DPP6: variants seen among roughly 807,000 people sequenced by gnomAD.
DPP6 encodes A-type potassium channel modulatory protein DPP6.
Under a neutral mutation model 122.6 loss-of-function variants are expected in DPP6, and 69 were observed. The ratio of observed to expected loss-of-function variants is 0.56; its 90% CI spans 0.46 to 0.69. The LOEUF is 0.69. Among genes scored for constraint, DPP6 ranks in the 30% least tolerant of loss-of-function variants. The pLI, the probability that DPP6 is intolerant of heterozygous loss-of-function variation, is 0.00. For missense variants in DPP6, 928 were observed against 1,116.9 expected (o/e 0.83, Z 2.41); for synonymous variants, 418 against 433.1 (o/e 0.97, Z 0.43).
At chr7:154,647,788 G>A (rs972257215) in intron 6 of DPP6, among the ~76,000 whole-genome samples, 8 of 152,188 alleles carry the variant, frequency 5.3e-5, no homozygotes, top group African/African-American at 1.9e-4. Flanking sequence ...TGGTGAATCA[G>A]CACGCGTGTT....
intron 1 of DPP6, among the ~76,000 whole-genome samples, chr7:154,027,888 A>C (rs1002091548): frequency 6.6e-6 from 1 of 151,576 alleles, no homozygotes; most frequent in Admixed American, 6.6e-5. Context: ...TACTGACAGC[A>C]TGAGCCCAAA....
intron 8 of DPP6, among the ~76,000 whole-genome samples, chr7:154,733,136 C>T (rs1292290094): frequency 2.0e-5 from 3 of 152,254 alleles, no homozygotes; most frequent in African/African-American, 7.2e-5. Context: ...TCTTCACTGT[C>T]CCACACTAAC....
chr7:154,145,190 C>T (rs1365965821), intron 1 of DPP6, among the ~76,000 whole-genome samples: 1 of 152,166 alleles, frequency 6.6e-6, no homozygotes, highest in African/African-American at 2.4e-5. Flanking sequence ...TATTTAAACA[C>T]ATGAGCCTTG....
chr7:153,805,803 G>A, the DPP6 span, among the ~76,000 whole-genome samples: 2 of 151,968 alleles, frequency 1.3e-5, no homozygotes, highest in South Asian at 4.2e-4. Context: ...ATTGAACAAT[G>A]AGAACACTTG....
the DPP6 span, among the ~76,000 whole-genome samples, chr7:153,862,370 T>A: frequency 2.6e-5 from 4 of 152,220 alleles, no homozygotes; most frequent in Non-Finnish European, 5.9e-5. Flanking sequence ...AAGTCAGGTC[T>A]GATGGCAGGT....
chr7:154,826,023 A>G (rs935801955), intron 16 of DPP6, among the ~76,000 whole-genome samples: 2 of 152,204 alleles, frequency 1.3e-5, no homozygotes, highest in Non-Finnish European at 2.9e-5. Flanking sequence ...CTGCAGAGGA[A>G]TCAGTCCAGA....
chr7:154,010,276 G>A (rs947453014), intron 1 of DPP6, among the ~76,000 whole-genome samples: 3 of 152,208 alleles, frequency 2.0e-5, no homozygotes, highest in Non-Finnish European at 4.4e-5. Context: ...CAGCAAACAT[G>A]TGCATACGAC....
intron 5 of DPP6, among the ~76,000 whole-genome samples, chr7:154,608,872 G>C (rs760716242): frequency 9.2e-5 from 14 of 152,150 alleles, no homozygotes; most frequent in Non-Finnish European, 1.6e-4. Flanking sequence ...GAATATCTGT[G>C]ACTGATAAAC....
At chr7:154,796,490 A>G (rs1798056955) in intron 12 of DPP6, among the ~76,000 whole-genome samples, 2 of 152,254 alleles carry the variant, frequency 1.3e-5, no homozygotes, top group Non-Finnish European at 2.9e-5. Flanking sequence ...AAACTTGCAC[A>G]AAAAGTATCA....
intron 1 of DPP6, among the ~76,000 whole-genome samples, chr7:153,921,103 G>A (rs532120336): frequency 6.6e-6 from 1 of 152,370 alleles, no homozygotes; most frequent in South Asian, 2.1e-4. Context: ...GTAGGAGAAA[G>A]CGAGTGTTAG....
At chr7:154,612,457 A>C (rs1833970350) in intron 5 of DPP6, among the ~76,000 whole-genome samples, 1 of 151,912 alleles carries the variant, frequency 6.6e-6, no homozygotes. Context: ...AACTCCTGAG[A>C]TCCACCCAAG....
chr7:154,556,080 A>G (rs1233033715), intron 4 of DPP6, among the ~76,000 whole-genome samples: 3 of 152,202 alleles, frequency 2.0e-5, no homozygotes, highest in Admixed American at 1.3e-4. Context: ...ATAGTAATGT[A>G]TACTCTTTTA....
At chr7:154,829,416 GA>G (rs1341216545) in intron 16 of DPP6, among the ~76,000 whole-genome samples, 8 of 129,556 alleles carry the variant, frequency 6.2e-5, no homozygotes, top group South Asian at 3.3e-4. Flanking sequence ...AGGGGGAGAG[GA>G]GGAGAGGAGG....
chr7:154,283,109 C>T (rs1804633701), intron 1 of DPP6, among the ~76,000 whole-genome samples: 1 of 152,198 alleles, frequency 6.6e-6, no homozygotes, highest in Admixed American at 6.5e-5. Context: ...CGGGACCAGT[C>T]TCATCTCAGC....
intron 1 of DPP6, among the ~76,000 whole-genome samples, chr7:154,437,698 G>A (rs938336823): frequency 1.3e-5 from 2 of 152,218 alleles, no homozygotes; most frequent in African/African-American, 4.8e-5. Context: ...CACTTTGAGA[G>A]GCTGAGGTGG....
chr7:154,305,017 C>G (rs1208314706), intron 1 of DPP6: 1 of 147,548 alleles, frequency 6.8e-6, no homozygotes, highest in South Asian at 1.9e-4. Flanking sequence ...CCGCGGCCCC[C>G]TCCCCAGCCC....
chr7:154,689,272 T>C (rs1839804567), intron 7 of DPP6, among the ~76,000 whole-genome samples: 1 of 152,260 alleles, frequency 6.6e-6, no homozygotes, highest in Admixed American at 6.5e-5. Context: ...CCATTTCTAT[T>C]TCTAGTTTGC....
At chr7:154,685,032 T>A (rs1231059440) in intron 7 of DPP6, among the ~76,000 whole-genome samples, 1 of 152,222 alleles carries the variant, frequency 6.6e-6, no homozygotes, top group Non-Finnish European at 1.5e-5. Flanking sequence ...AAGCAAACGA[T>A]CTATACCAGG....
chr7:154,834,227 G>A (rs1216208941), intron 16 of DPP6, among the ~76,000 whole-genome samples: 1 of 151,712 alleles, frequency 6.6e-6, no homozygotes, highest in African/African-American at 2.4e-5. Context: ...CAGCACTTTG[G>A]GAGGCCGAGG....
Sources: gnomAD v4.1 joint callset for allele counts (sites outside exome capture counted in the v4.1 genomes callset) on GRCh38, gnomAD v4.1.1 for gene constraint, MANE v1.5 for transcripts, NCBI Gene and HGNC (gene_info 2026-07-23, HGNC 2026-07-21) for gene names.